The following NINL variants were observed in gnomAD, a reference collection of about 807,000 sequenced individuals.
NINL encodes the protein ninein like, also known as ninein-like protein.
Under a neutral mutation model 160.3 loss-of-function variants are expected in NINL, and 153 were observed. The ratio of observed to expected loss-of-function variants is 0.95; its 90% CI spans 0.84 to 1.09. The LOEUF is 1.09. Ranked by LOEUF, NINL falls within the 50% of genes least tolerant of loss-of-function variation. NINL has a pLI of 0.00. For synonymous variants in NINL, 800 were observed against 734.8 expected (o/e 1.09, Z -1.43); for missense variants, 1,829 against 1,764.0 (o/e 1.04, Z -0.66).
At chr20:25,583,724 C>A (rs888985380) in intron 1 of NINL, among the ~76,000 whole-genome samples, 1 of 152,180 alleles carries the variant, frequency 6.6e-6, no homozygotes, top group Non-Finnish European at 1.5e-5. Flanking sequence ...GGAACCAACC[C>A]AAATGCCCAT....
chr20:25,544,774 G>T (rs549422875), intron 1 of NINL, among the ~76,000 whole-genome samples: 2 of 152,228 alleles, frequency 1.3e-5, no homozygotes, highest in Non-Finnish European at 1.5e-5. Context: ...CAAGCTGGGT[G>T]CAGGGAAAAG....
At chr20:25,508,751 C>A (rs954437826) in intron 5 of NINL, among the ~76,000 whole-genome samples, 15 of 152,252 alleles carry the variant, frequency 9.9e-5, no homozygotes, top group Non-Finnish European at 1.6e-4. Flanking sequence ...CATCCCTGCA[C>A]CCTGAAACAC....
chr20:25,556,832 C>T (rs780591384), intron 1 of NINL, among the ~76,000 whole-genome samples: 2 of 152,060 alleles, frequency 1.3e-5, no homozygotes, highest in African/African-American at 4.8e-5. Context: ...AATAATCCTA[C>T]CAAACTGATC....
chr20:25,555,844 T>C (rs2064859198), intron 1 of NINL, among the ~76,000 whole-genome samples: 1 of 152,148 alleles, frequency 6.6e-6, no homozygotes, highest in Non-Finnish European at 1.5e-5. Context: ...TTGGGTAATT[T>C]TTGTATTTTT....
At chr20:25,483,915 C>T (rs2063451929) in intron 13 of NINL, among the ~76,000 whole-genome samples, 1 of 152,348 alleles carries the variant, frequency 6.6e-6, no homozygotes, top group Non-Finnish European at 1.5e-5. Flanking sequence ...CTGAGTGGGA[C>T]TTGTGACTGC....
intron 1 of NINL, among the ~76,000 whole-genome samples, chr20:25,532,450 C>A (rs1037333307): frequency 1.3e-5 from 2 of 152,226 alleles, no homozygotes; most frequent in Admixed American, 6.5e-5. Context: ...GTAGGGGGAG[C>A]CCACCCATCT....
intron 1 of NINL, among the ~76,000 whole-genome samples, chr20:25,552,684 C>G (rs888249727): frequency 3.3e-5 from 5 of 152,192 alleles, no homozygotes; most frequent in African/African-American, 9.7e-5. Flanking sequence ...GACACACCCC[C>G]CTGCAAGGCT....
intron 2 of NINL, among the ~76,000 whole-genome samples, chr20:25,521,588 T>C (rs1194188690): frequency 6.6e-6 from 1 of 152,234 alleles, no homozygotes; most frequent in Non-Finnish European, 1.5e-5. Flanking sequence ...TAGGTGCCTA[T>C]CCATGCAGTG....
chr20:25,528,207 A>AT (rs1295270242), intron 1 of NINL, among the ~76,000 whole-genome samples: 1 of 151,962 alleles, frequency 6.6e-6, no homozygotes, highest in East Asian at 1.9e-4. Context: ...TTTATTTAAA[A>AT]TTTTTTTACC....
At chr20:25,574,065 C>T (rs1203020575) in intron 1 of NINL, among the ~76,000 whole-genome samples, 3 of 152,144 alleles carry the variant, frequency 2.0e-5, no homozygotes, top group African/African-American at 7.2e-5. Context: ...CACCCCTGCC[C>T]TTCACTGACG....
chr20:25,520,492 C>T (rs1312689307), intron 2 of NINL, among the ~76,000 whole-genome samples: 1 of 152,158 alleles, frequency 6.6e-6, no homozygotes, highest in Non-Finnish European at 1.5e-5. Flanking sequence ...CATGCATTTG[C>T]TTATTTTCTG....
intron 1 of NINL, among the ~76,000 whole-genome samples, chr20:25,534,146 C>T (rs1256864985): frequency 6.6e-6 from 1 of 152,232 alleles, no homozygotes; most frequent in Non-Finnish European, 1.5e-5. Context: ...CTCACTGCAA[C>T]CTTGGCCTTA....
intron 1 of NINL, among the ~76,000 whole-genome samples, chr20:25,580,969 A>G (rs1357255702): frequency 6.6e-6 from 1 of 152,252 alleles, no homozygotes; most frequent in Non-Finnish European, 1.5e-5. Context: ...TGGAACAGCA[A>G]AGTGGCCACA....
intron 1 of NINL, among the ~76,000 whole-genome samples, chr20:25,580,431 G>T (rs916734695): frequency 2.8e-4 from 42 of 152,206 alleles, no homozygotes; most frequent in African/African-American, 1.0e-3. Context: ...AAACTTGATT[G>T]CTTCAGAGGT....
At chr20:25,481,542 G>A (rs1246565101) in intron 14 of NINL, among the ~76,000 whole-genome samples, 1 of 152,212 alleles carries the variant, frequency 6.6e-6, no homozygotes, top group Non-Finnish European at 1.5e-5. Context: ...GCCTCAGTCA[G>A]ACTTGGGGGG....
At chr20:25,582,311 C>A (rs531126192) in intron 1 of NINL, among the ~76,000 whole-genome samples, 2 of 152,078 alleles carry the variant, frequency 1.3e-5, no homozygotes, top group South Asian at 2.1e-4. Context: ...CCTAACTATT[C>A]CTCTATAAAG....
At chr20:25,536,157 C>T (rs2064551870) in intron 1 of NINL, among the ~76,000 whole-genome samples, 1 of 152,142 alleles carries the variant, frequency 6.6e-6, no homozygotes, top group Non-Finnish European at 1.5e-5. Context: ...TCCACCTACC[C>T]AAGAGACTAT....
At chr20:25,470,910 G>A (rs1242222852) in intron 17 of NINL, among the ~76,000 whole-genome samples, 1 of 152,212 alleles carries the variant, frequency 6.6e-6, no homozygotes, top group African/African-American at 2.4e-5. Context: ...ATACTGACTG[G>A]TAAGGCTAAC....
intron 13 of NINL, chr20:25,489,043 C>T: frequency 3.3e-6 from 2 of 599,102 alleles, no homozygotes; most frequent in South Asian, 1.9e-5. Context: ...GGTCCCTGGA[C>T]ACACAGAGGC....
Sources: gnomAD v4.1 joint callset for allele counts (sites outside exome capture counted in the v4.1 genomes callset) on GRCh38, gnomAD v4.1.1 for gene constraint, MANE v1.5 for transcripts, NCBI Gene and HGNC (gene_info 2026-07-23, HGNC 2026-07-21) for gene names.